The following LRBA variants were observed in gnomAD, a reference collection of about 807,000 sequenced individuals.
LRBA encodes the protein LPS responsive beige-like anchor protein.
Under a neutral mutation model 330.0 loss-of-function variants are expected in LRBA, and 176 were observed. The observed-to-expected ratio is 0.53, with a 90% CI of 0.47 to 0.60. The LOEUF (loss-of-function observed/expected upper bound fraction) is 0.60, where lower values mean the gene tolerates loss of function less well. LRBA is among the 20% of genes least tolerant of loss of function. The probability of loss-of-function intolerance (pLI) is 0.00; values close to 1 mark genes in which losing one functional copy is unlikely to be tolerated. For missense variants in LRBA, 3,259 were observed against 3,444.8 expected, an observed-to-expected ratio of 0.95 and a Z score of 1.35; for synonymous variants, 1,230 against 1,193.0, an observed-to-expected ratio of 1.03 and a Z score of -0.64.
intron 47 of LRBA, among the ~76,000 whole-genome samples, chr4:150,376,259 C>T (rs1335482748): frequency 6.6e-6 from 1 of 151,944 alleles, no homozygotes; most frequent in Admixed American, 6.6e-5. Context: ...TTTTTTATGG[C>T]AACTCCTTTT....
At chr4:150,966,176 G>C (rs186636350) in intron 2 of LRBA, among the ~76,000 whole-genome samples, 1 of 152,252 alleles carries the variant, frequency 6.6e-6, no homozygotes, top group Non-Finnish European at 1.5e-5. Context: ...AGACTGCAGT[G>C]GAAGATGGTA....
intron 49 of LRBA, among the ~76,000 whole-genome samples, chr4:150,323,390 C>T (rs1396501089): frequency 2.0e-5 from 3 of 152,140 alleles, no homozygotes; most frequent in Admixed American, 1.3e-4. Context: ...GAAGTACATA[C>T]ATATTTCTGA....
chr4:150,460,230 T>G (rs1754594321), intron 44 of LRBA, among the ~76,000 whole-genome samples: 1 of 151,846 alleles, frequency 6.6e-6, no homozygotes, highest in Non-Finnish European at 1.5e-5. Flanking sequence ...CAGGTCAAGA[T>G]GCATGCTGTA....
intron 40 of LRBA, among the ~76,000 whole-genome samples, chr4:150,506,102 A>C (rs1421534844): frequency 6.6e-6 from 1 of 152,190 alleles, no homozygotes; most frequent in African/African-American, 2.4e-5. Flanking sequence ...ACCAACCAAA[A>C]AAAGTCCAGG....
At chr4:150,986,116 T>C (rs912055397) in intron 2 of LRBA, among the ~76,000 whole-genome samples, 1 of 152,150 alleles carries the variant, frequency 6.6e-6, no homozygotes, top group Admixed American at 6.5e-5. Flanking sequence ...GAATTGAACA[T>C]AGTCTGTTAA....
chr4:150,886,649 G>A (rs1728968219), intron 17 of LRBA, among the ~76,000 whole-genome samples: 1 of 152,142 alleles, frequency 6.6e-6, no homozygotes, highest in Non-Finnish European at 1.5e-5. Flanking sequence ...AGGGACACTG[G>A]AAACATCATG....
At chr4:150,341,038 T>G (rs1346171344) in intron 48 of LRBA, among the ~76,000 whole-genome samples, 3 of 152,128 alleles carry the variant, frequency 2.0e-5, no homozygotes, top group Non-Finnish European at 4.4e-5. Flanking sequence ...GGACTGTAGG[T>G]AGGCAGGGAC....
chr4:150,267,334 C>A (rs1745475144), intron 56 of LRBA, among the ~76,000 whole-genome samples: 1 of 152,138 alleles, frequency 6.6e-6, no homozygotes, highest in Non-Finnish European at 1.5e-5. Context: ...CACAAAGTAG[C>A]TTTTCTGATC....
intron 40 of LRBA, among the ~76,000 whole-genome samples, chr4:150,505,000 G>C (rs1441085354): frequency 6.6e-6 from 1 of 152,174 alleles, no homozygotes; most frequent in Non-Finnish European, 1.5e-5. Context: ...TAATGGTAAA[G>C]GGATCAATTC....
intron 2 of LRBA, among the ~76,000 whole-genome samples, chr4:150,963,331 A>G (rs1296465162): frequency 6.7e-6 from 1 of 149,366 alleles, no homozygotes; most frequent in Non-Finnish European, 1.5e-5. Flanking sequence ...GATTGCAGGC[A>G]TGCGCCACCA....
intron 36 of LRBA, among the ~76,000 whole-genome samples, chr4:150,686,450 G>A (rs1582044132): frequency 6.6e-6 from 1 of 152,116 alleles, no homozygotes; most frequent in Non-Finnish European, 1.5e-5. Context: ...GTATGAAAGG[G>A]CAGCAGTTTA....
At chr4:150,491,510 T>TA (rs983349534) in intron 40 of LRBA, among the ~76,000 whole-genome samples, 6 of 152,116 alleles carry the variant, frequency 3.9e-5, no homozygotes, top group African/African-American at 1.4e-4. Flanking sequence ...TTCATAACTT[T>TA]AAAAAATGAC....
chr4:150,423,835 T>TC (rs1221373649), intron 46 of LRBA, among the ~76,000 whole-genome samples: 5 of 150,082 alleles, frequency 3.3e-5, no homozygotes, highest in South Asian at 2.1e-4. Flanking sequence ...ATAAAATGAG[T>TC]CCCCCCCACC....
chr4:150,875,571 T>C (rs1579067613), intron 17 of LRBA, among the ~76,000 whole-genome samples: 1 of 152,110 alleles, frequency 6.6e-6, no homozygotes, highest in South Asian at 2.1e-4. Context: ...GGCTTGTAGG[T>C]TGAACTGCAC....
chr4:150,838,156 A>T (rs968425845), intron 28 of LRBA, among the ~76,000 whole-genome samples: 1 of 152,154 alleles, frequency 6.6e-6, no homozygotes, highest in Non-Finnish European at 1.5e-5. Context: ...CTGCCAAGAG[A>T]TCCGCTCTTA....
chr4:150,893,865 C>T (rs1278680417), intron 16 of LRBA, among the ~76,000 whole-genome samples: 1 of 151,772 alleles, frequency 6.6e-6, no homozygotes, highest in Non-Finnish European at 1.5e-5. Flanking sequence ...TTATTAGAGA[C>T]GGGGTTTCAC....
chr4:150,361,511 T>C (rs532796594), intron 47 of LRBA, among the ~76,000 whole-genome samples: 26 of 152,332 alleles, frequency 1.7e-4, no homozygotes, highest in Admixed American at 4.6e-4. Context: ...CTCTGCATTA[T>C]GGTGTTTGTT....
At chr4:150,395,173 T>C (rs988018600) in intron 47 of LRBA, among the ~76,000 whole-genome samples, 4 of 152,160 alleles carry the variant, frequency 2.6e-5, no homozygotes, top group Non-Finnish European at 2.9e-5. Context: ...GTGTACATAA[T>C]AGAATTATCA....
intron 40 of LRBA, among the ~76,000 whole-genome samples, chr4:150,552,673 T>G (rs184105106): frequency 1.1e-4 from 16 of 152,260 alleles, no homozygotes; most frequent in Non-Finnish European, 1.9e-4. Context: ...TTATAAATCA[T>G]GCTGATATAA....
Sources: allele counts gnomAD v4.1 joint callset (sites outside exome capture counted in the v4.1 genomes callset), GRCh38; gene constraint gnomAD v4.1.1; transcripts MANE v1.5; gene names NCBI Gene and HGNC (gene_info 2026-07-23, HGNC 2026-07-21).